Variants in TTLL5 observed in about 807,000 individuals in gnomAD.
TTLL5 encodes tubulin tyrosine ligase like 5.
In TTLL5, 132 loss-of-function variants were observed where a neutral mutation model predicts 168.4. That is an observed-to-expected ratio of 0.78 (90% confidence interval 0.68 to 0.91). The LOEUF (loss-of-function observed/expected upper bound fraction) is 0.91. TTLL5 is among the 40% of genes least tolerant of loss of function. TTLL5 has a pLI of 0.00. For missense variants in TTLL5, 1,545 were observed against 1,581.5 expected (o/e 0.98, Z 0.39); for synonymous variants, 546 against 558.6 (o/e 0.98, Z 0.32).
At chr14:75,884,178 A>C (rs1300469439) in intron 30 of TTLL5, among the ~76,000 whole-genome samples, 2 of 152,230 alleles carry the variant, frequency 1.3e-5, no homozygotes, top group East Asian at 3.8e-4. Context: ...AGCCTTGGTC[A>C]CCATCATATG....
At chr14:75,814,388 G>C (rs1219725909) in intron 27 of TTLL5, 2 of 152,162 alleles carry the variant, frequency 1.3e-5, no homozygotes, top group African/African-American at 4.8e-5. Context: ...AGCTGGTTTT[G>C]TTATGTTATT....
chr14:75,821,678 A>AG (rs1894838130), intron 28 of TTLL5, among the ~76,000 whole-genome samples: 1 of 152,178 alleles, frequency 6.6e-6, no homozygotes, highest in African/African-American at 2.4e-5. Flanking sequence ...AGCGCCTGTT[A>AG]GTAGTGAGAT....
chr14:75,915,320 G>A (rs989024368), intron 31 of TTLL5, among the ~76,000 whole-genome samples: 1 of 152,178 alleles, frequency 6.6e-6, no homozygotes, highest in African/African-American at 2.4e-5. Flanking sequence ...GGAGTCATAT[G>A]TTACACTTTA....
intron 29 of TTLL5, among the ~76,000 whole-genome samples, chr14:75,865,467 C>G (rs2030441306): frequency 6.6e-6 from 1 of 151,992 alleles, no homozygotes; most frequent in Non-Finnish European, 1.5e-5. Context: ...GCACCAAACC[C>G]CCGCAACACG....
intron 28 of TTLL5, among the ~76,000 whole-genome samples, chr14:75,842,350 A>G (rs1418906861): frequency 1.3e-5 from 2 of 152,160 alleles, no homozygotes; most frequent in Admixed American, 1.3e-4. Context: ...ATCTTCAGAT[A>G]TATTACTTCA....
At chr14:75,688,889 A>G (rs559025546) in intron 5 of TTLL5, among the ~76,000 whole-genome samples, 2 of 152,318 alleles carry the variant, frequency 1.3e-5, no homozygotes, top group South Asian at 4.1e-4. Flanking sequence ...ACCATTTGGC[A>G]GTTCATTATA....
intron 6 of TTLL5, among the ~76,000 whole-genome samples, chr14:75,693,756 A>T (rs1348712249): frequency 6.6e-6 from 1 of 152,212 alleles, no homozygotes; most frequent in Non-Finnish European, 1.5e-5. Context: ...CTTTCCCCAG[A>T]ATTGGGCTCT....
intron 31 of TTLL5, among the ~76,000 whole-genome samples, chr14:75,903,269 G>A (rs1239631283): frequency 2.0e-5 from 3 of 152,030 alleles, no homozygotes; most frequent in Non-Finnish European, 4.4e-5. Flanking sequence ...GAAAAACATC[G>A]AAGCTGACAC....
At chr14:75,779,809 A>G (rs1891938222) in intron 24 of TTLL5, 107 bp downstream of exon 24, 2 of 1,165,358 alleles carry the variant, frequency 1.7e-6, no homozygotes, top group Admixed American at 3.0e-5. Context: ...ATAGTCCCCA[A>G]GGTAATGAGA....
At chr14:75,739,586 A>G (rs957172220) in intron 15 of TTLL5, among the ~76,000 whole-genome samples, 2 of 152,144 alleles carry the variant, frequency 1.3e-5, no homozygotes, top group Non-Finnish European at 2.9e-5. Flanking sequence ...ACTCACCAGA[A>G]ATTGTATGGC....
intron 31 of TTLL5, among the ~76,000 whole-genome samples, chr14:75,926,140 A>T (rs1469076655): frequency 4.0e-5 from 5 of 123,596 alleles, no homozygotes; most frequent in African/African-American, 1.6e-4. Context: ...TTTAAAGACT[A>T]GGATTGCAAC....
chr14:75,799,976 G>T (rs1424174913), intron 27 of TTLL5, among the ~76,000 whole-genome samples: 1 of 152,180 alleles, frequency 6.6e-6, no homozygotes, highest in African/African-American at 2.4e-5. Flanking sequence ...AATTTCCCAG[G>T]TGTTCTTTGA....
chr14:75,935,115 C>G (rs1320300671), intron 31 of TTLL5, among the ~76,000 whole-genome samples: 7 of 152,220 alleles, frequency 4.6e-5, no homozygotes, highest in African/African-American at 1.7e-4. Flanking sequence ...TCTGATTCCT[C>G]AGTAAGTACA....
intron 7 of TTLL5, among the ~76,000 whole-genome samples, chr14:75,702,346 T>G (rs1001832422): frequency 6.6e-6 from 1 of 152,250 alleles, no homozygotes; most frequent in Non-Finnish European, 1.5e-5. Flanking sequence ...TTCAGCTCTG[T>G]GCCAGGAGCT....
At chr14:75,885,689 T>G (rs1040321) in intron 30 of TTLL5, among the ~76,000 whole-genome samples, 132,120 of 152,218 alleles carry the variant, frequency 0.87, 57,428 homozygotes, top group East Asian at 0.92. Flanking sequence ...GGATCCTGAG[T>G]ATCAGTTGAT....
chr14:75,852,535 T>C (rs1566631175), intron 28 of TTLL5, among the ~76,000 whole-genome samples: 1 of 152,168 alleles, frequency 6.6e-6, no homozygotes, highest in Non-Finnish European at 1.5e-5. Context: ...TTTCATGATC[T>C]CTAACACCAT....
At chr14:75,789,583 T>A (rs892284047) in intron 26 of TTLL5, among the ~76,000 whole-genome samples, 3 of 152,096 alleles carry the variant, frequency 2.0e-5, no homozygotes, top group Admixed American at 2.0e-4. Flanking sequence ...TTTGCAGCCA[T>A]CACCACCAAT....
At chr14:75,797,665 A>G (rs905890538) in intron 27 of TTLL5, among the ~76,000 whole-genome samples, 2 of 152,074 alleles carry the variant, frequency 1.3e-5, no homozygotes, top group Admixed American at 6.6e-5. Context: ...GTGTCTGTTG[A>G]GATTACCATG....
At chr14:75,833,551 G>C (rs889732831) in intron 28 of TTLL5, among the ~76,000 whole-genome samples, 1 of 152,116 alleles carries the variant, frequency 6.6e-6, no homozygotes. Flanking sequence ...CAAGTTCTTT[G>C]AACTTAATAT....
Sources: gnomAD v4.1 joint callset for allele counts (sites outside exome capture counted in the v4.1 genomes callset) on GRCh38, gnomAD v4.1.1 for gene constraint, MANE v1.5 for transcripts, NCBI Gene and HGNC (gene_info 2026-07-23, HGNC 2026-07-21) for gene names.